TBCD: variants seen among roughly 807,000 people sequenced by gnomAD.
The protein encoded by TBCD is tubulin-specific chaperone D.
In TBCD, 105 loss-of-function variants were observed where a neutral mutation model predicts 169.3. The observed-to-expected ratio is 0.62, with a 90% CI of 0.53 to 0.73. The LOEUF (loss-of-function observed/expected upper bound fraction) is 0.73. TBCD is among the 30% of genes least tolerant of loss of function. TBCD has a pLI of 0.00. For synonymous variants in TBCD, 700 were observed against 643.9 expected, an observed-to-expected ratio of 1.09 and a Z score of -1.32; for missense variants, 1,444 against 1,600.1, an observed-to-expected ratio of 0.90 and a Z score of 1.66.
rs1302920045 is a variant in TBCD, at chr17:82,806,243, G to A, written c.1087+232G>A. Among the ~76,000 whole-genome samples, 5 of 151,958 alleles carry A rather than the reference G, an allele frequency of 3.3e-5. No homozygotes were observed. Among genetic ancestry groups the A allele is most frequent in the African/African-American group, 1.2e-4 (5 of 41,340 alleles). ...TAGAAGCCCTTTTTCCCACCGCCTCGCCTCCTTCCTGACCTGGGCTGCCTG... is the reference window on the plus strand; with the variant it reads ...TAGAAGCCCTTTTTCCCACCGCCTCACCTCCTTCCTGACCTGGGCTGCCTG... On this transcript the variant is annotated intron_variant, in intron 10 of 38. Coordinates refer to ENST00000355528, the MANE Select transcript of TBCD (RefSeq NM_005993.5). This position sits in a 1 kb window ranked among gnomAD's most constrained non-coding sequence, Gnocchi z 5.1.
chr17:82,900,105 C>T (rs577250571), intron 17 of TBCD, among the ~76,000 whole-genome samples: 89 of 152,304 alleles, frequency 5.8e-4, no homozygotes, highest in African/African-American at 2.0e-3. Flanking sequence ...ACACACTAAC[C>T]AGAGCGCACA....
chr17:82,856,189 T>C (rs2056267568), intron 13 of TBCD, among the ~76,000 whole-genome samples: 1 of 151,622 alleles, frequency 6.6e-6, no homozygotes, highest in South Asian at 2.1e-4. Context: ...GTGAAGTAAA[T>C]GGACTAAACT....
intron 1 of TBCD, among the ~76,000 whole-genome samples, chr17:82,755,470 C>T (rs1041107336): frequency 6.6e-5 from 10 of 152,280 alleles, no homozygotes; most frequent in South Asian, 2.1e-4. Context: ...ATTTTGATTT[C>T]TTTCAGGGCC....
At chr17:82,932,269 C>T (rs1006679719) in intron 33 of TBCD, 9 of 362,452 alleles carry the variant, frequency 2.5e-5, no homozygotes, top group Middle Eastern at 8.9e-4. Context: ...CATGGTATAG[C>T]GTCGGCACAG....
intron 13 of TBCD, among the ~76,000 whole-genome samples, chr17:82,819,256 G>A (rs970569022): frequency 1.3e-5 from 2 of 152,190 alleles, no homozygotes; most frequent in African/African-American, 4.8e-5. Context: ...ATGTTTGCCT[G>A]GAAGGCACCC....
Position 82,890,959 on chromosome 17 carries a change from G to C in TBCD, c.1563+1262G>C, listed in dbSNP as rs2059091535. Among the ~76,000 whole-genome samples, 1 of 152,236 alleles carries C rather than the reference G, an allele frequency of 6.6e-6. No individual in the cohort carries two copies. The highest frequency in any genetic ancestry group is 6.5e-5 in the Admixed American group (1 of 15,290). ...AGCCTAGGGACTTGCCAGCTTCCTG[G>C]AAAGTGAGAGCCCAGGAGAAGAAGT... On this transcript the variant is annotated intron_variant, in intron 16 of 38. Transcript: ENST00000355528. The surrounding 1 kb of genome is among the most constrained non-coding windows in gnomAD (Gnocchi z 5.3).
At chr17:82,780,300 CTT>C (rs150227720) in intron 6 of TBCD, among the ~76,000 whole-genome samples, 3,818 of 152,218 alleles carry the variant, frequency 0.025, 172 homozygotes, top group African/African-American at 0.087. Context: ...TCCTTCGTAA[CTT>C]TTCTTTGCAC....
At position 82,903,275 on chromosome 17, in the gene TBCD, G is replaced by C. The variant is rs977120149; in HGVS notation, c.1731-130G>C. ...GGTTCTTGTACTGGTTCGTGTGAGTGAGTGAGTGAGCCTCTGCTAAGTGGC... is the reference window on the plus strand; with the variant it reads ...GGTTCTTGTACTGGTTCGTGTGAGTCAGTGAGTGAGCCTCTGCTAAGTGGC... On this transcript the variant is annotated intron_variant, in intron 18 of 38. Transcript: ENST00000355528. This position sits in a 1 kb window ranked among gnomAD's most constrained non-coding sequence, Gnocchi z 4.8. The C allele has an allele frequency of 1.3e-6, 1 of 784,048 alleles. No homozygotes were observed. Among genetic ancestry groups the C allele is most frequent in the Non-Finnish European group, 2.1e-6 (1 of 467,710 alleles). The allele number at this position is 784,048 out of a possible 1,614,324, so 48.6% of individuals were successfully genotyped here. A position where few individuals can be genotyped will look rare whatever the true frequency, so the allele number is the denominator to read the frequency against.
At chr17:82,855,185 A>C (rs1365803055) in intron 13 of TBCD, among the ~76,000 whole-genome samples, 1 of 131,792 alleles carries the variant, frequency 7.6e-6, no homozygotes, top group Non-Finnish European at 1.6e-5. Flanking sequence ...ATGCGGTGCC[A>C]CCTGATGCTT....
intron 17 of TBCD, 121 bp from the exon 18 acceptor site, chr17:82,900,530 C>T (rs1380171924): frequency 9.5e-6 from 7 of 738,334 alleles, no homozygotes; most frequent in Non-Finnish European, 1.7e-5. Flanking sequence ...GGCTGGATCA[C>T]GTGGTAGATT....
At chr17:82,771,252 T>C (rs2144091290) in intron 5 of TBCD, among the ~76,000 whole-genome samples, 1 of 152,072 alleles carries the variant, frequency 6.6e-6, no homozygotes, top group African/African-American at 2.4e-5. Context: ...GGTGGGAGGA[T>C]AGCTTGAGCC....
At chr17:82,834,165 C>G (rs1329949106) in intron 13 of TBCD, among the ~76,000 whole-genome samples, 1 of 152,116 alleles carries the variant, frequency 6.6e-6, no homozygotes, top group Non-Finnish European at 1.5e-5. Flanking sequence ...CCAGGCTGGT[C>G]TCGAGCTCCT....
chr17:82,778,655 G>A (rs916550071), intron 6 of TBCD, among the ~76,000 whole-genome samples: 3 of 149,770 alleles, frequency 2.0e-5, no homozygotes, highest in South Asian at 2.1e-4. Context: ...TTTTGAGACG[G>A]AGCTTTGCTC....
At chr17:82,840,749 C>T (rs891271918) in intron 13 of TBCD, among the ~76,000 whole-genome samples, 1 of 151,398 alleles carries the variant, frequency 6.6e-6, no homozygotes, top group Non-Finnish European at 1.5e-5. Flanking sequence ...CAGTTTTTAC[C>T]TCCACACCCC....
chr17:82,832,946 A>C lies in TBCD; in HGVS notation c.1318+18012A>C, dbSNP rs1024086297. 6.6e-6 allele frequency among the ~76,000 whole-genome samples: 1 copy of C among 152,050 alleles called. No homozygotes were observed. Among genetic ancestry groups the C allele is most frequent in the African/African-American group, 2.4e-5 (1 of 41,382 alleles). On this transcript the variant is annotated intron_variant, in intron 13 of 38. Coordinates refer to ENST00000355528, the MANE Select transcript of TBCD (RefSeq NM_005993.5). The surrounding 1 kb of genome is among the most constrained non-coding windows in gnomAD (Gnocchi z 4.9). ...TTCTGAGAATGCCTGTAAGCCTTTGAGTTTTGGGAACTTTCATCCTGTGAC... is the reference window on the plus strand; with the variant it reads ...TTCTGAGAATGCCTGTAAGCCTTTGCGTTTTGGGAACTTTCATCCTGTGAC...
In TBCD at chr17:82,806,019, G is replaced by C; in HGVS notation, c.1087+8G>C. On this transcript the variant is annotated splice_region_variant and intron_variant, in intron 10 of 38. Transcript: ENST00000355528. This position sits in a 1 kb window ranked among gnomAD's most constrained non-coding sequence, Gnocchi z 5.1. ...GGGTGGAGCGTGTGATAGGTGCGTG[G>C]GGTCTAAGCGGCGGCCTCTGCTCTT... 1 of 1,610,618 alleles carries C rather than the reference G, an allele frequency of 6.2e-7. No homozygotes were observed. The highest frequency in any genetic ancestry group is 8.5e-7 in the Non-Finnish European group (1 of 1,177,220).
At chr17:82,771,628 A>C (rs1259723097) in intron 5 of TBCD, among the ~76,000 whole-genome samples, 1 of 152,182 alleles carries the variant, frequency 6.6e-6, no homozygotes, top group Non-Finnish European at 1.5e-5. Flanking sequence ...CATATTGACC[A>C]GGCTGGTCTC....
At chr17:82,824,851 T>C (rs1372590238) in intron 13 of TBCD, among the ~76,000 whole-genome samples, 3 of 152,264 alleles carry the variant, frequency 2.0e-5, no homozygotes, top group East Asian at 1.9e-4. Context: ...TTTGAGAGCT[T>C]ATCACTTTTT....
chr17:82,892,036 C>A (rs913558094), intron 16 of TBCD, among the ~76,000 whole-genome samples: 4 of 152,188 alleles, frequency 2.6e-5, no homozygotes, highest in African/African-American at 9.7e-5. Flanking sequence ...CCCCACTTCC[C>A]CCCTGCACAG....
Sources: gnomAD v4.1 joint callset for allele counts (sites outside exome capture counted in the v4.1 genomes callset) on GRCh38, gnomAD v4.1.1 for gene constraint, Gnocchi (gnomAD v3.1) non-coding constraint, MANE v1.5 for transcripts, NCBI Gene and HGNC (gene_info 2026-07-23, HGNC 2026-07-21) for gene names.